Variants in OR9Q1 observed in about 807,000 individuals in gnomAD.
The protein encoded by OR9Q1 is olfactory receptor 9Q1.
For synonymous variants in OR9Q1, 153 were observed against 148.6 expected (o/e 1.03, Z -0.22); for missense variants, 374 against 378.8 (o/e 0.99, Z 0.11).
Position 58,179,651 on chromosome 11 carries a change from G to A in OR9Q1, c.207G>A (p.Met69Ile), listed in dbSNP as rs1439514892. ...MYFLLSHLAF[M>I]DVCYSSITVP... ...TCCTTCTGAGTCACCTCGCTTTCATGGACGTCTGCTACTCATCTATCACTG... is the reference window on the plus strand; with the variant it reads ...TCCTTCTGAGTCACCTCGCTTTCATAGACGTCTGCTACTCATCTATCACTG... Residue 69 changes from methionine to isoleucine, a missense_variant, in exon 3 of 3, where the codon ATG (methionine) becomes ATA (isoleucine). Met to Ile is a conservative substitution (Grantham distance 10). Coordinates refer to ENST00000335397, the MANE Select transcript of OR9Q1 (RefSeq NM_001005212.4). The A allele has an allele frequency of 6.2e-7, 1 of 1,613,294 alleles. No individual in the cohort carries two copies. The highest frequency in any genetic ancestry group is 8.5e-7 in the Non-Finnish European group (1 of 1,179,384).
intron 2 of OR9Q1, among the ~76,000 whole-genome samples, chr11:58,154,379 A>ATTTTTTTTTTTTTTTTTTTTT (rs3085835): frequency 7.1e-6 from 1 of 140,954 alleles, no homozygotes; most frequent in African/African-American, 2.6e-5. Context: ...AATGCAATGG[A>ATTTTTTTTTTTTTTTTTTTTT]TTTTTTTTTT....
rs948167940 is a variant in OR9Q1 at position 58,052,913 on chromosome 11, T to C, written c.-92-2957T>C. Among the ~76,000 whole-genome samples, 37 of 151,824 alleles carry C rather than the reference T, an allele frequency of 2.4e-4. No homozygotes were observed. In the East Asian group the frequency reaches 4.1e-3, roughly 17 times the overall value. On this transcript the variant is annotated intron_variant, in intron 1 of 2. Coordinates refer to ENST00000335397, the MANE Select transcript of OR9Q1 (RefSeq NM_001005212.4). ...ACCACAATGAGATACCATCTCACAC[T>C]AGTTAGAATGGCAATCATTAAAAAG...
intron 1 of OR9Q1, among the ~76,000 whole-genome samples, chr11:58,034,352 G>A (rs1034374717): frequency 2.0e-5 from 3 of 151,854 alleles, no homozygotes; most frequent in Non-Finnish European, 2.9e-5. Flanking sequence ...CTCCCAAAGT[G>A]CTGGGATTAC....
chr11:58,080,209 T>C (rs1292591835), intron 2 of OR9Q1, among the ~76,000 whole-genome samples: 2 of 152,142 alleles, frequency 1.3e-5, no homozygotes, highest in African/African-American at 4.8e-5. Flanking sequence ...GTGCTCAATG[T>C]TTAGCTCCCA....
intron 2 of OR9Q1, chr11:58,108,992 C>A: frequency 2.4e-6 from 1 of 411,512 alleles, no homozygotes; most frequent in Non-Finnish European, 5.0e-6. Flanking sequence ...CTCAAAATGG[C>A]TCTGATAATG....
chr11:58,079,961 G>A (rs1202335658), intron 2 of OR9Q1, among the ~76,000 whole-genome samples: 1 of 152,142 alleles, frequency 6.6e-6, no homozygotes, highest in South Asian at 2.1e-4. Flanking sequence ...TGTTTTTTAA[G>A]TTTTAAGTTA....
chr11:58,127,840 G>A (rs1854103826), intron 2 of OR9Q1, among the ~76,000 whole-genome samples: 1 of 152,228 alleles, frequency 6.6e-6, no homozygotes, highest in Admixed American at 6.5e-5. Flanking sequence ...GTCTAATGAA[G>A]TTTGGACTTT....
rs558094379 is a variant in OR9Q1, at chr11:58,054,519, G to T, written c.-92-1351G>T. On this transcript the variant is annotated intron_variant, in intron 1 of 2. Coordinates refer to ENST00000335397, the MANE Select transcript of OR9Q1 (RefSeq NM_001005212.4). The stretch of plus-strand genomic sequence containing the variant: ...TCAACTACAATATAAACATCTTGAG[G>T]CAAGCACACATTTTGTACATTTCTG... Among the ~76,000 whole-genome samples the T allele has an allele frequency of 1.4e-4, 21 of 152,204 alleles. No homozygotes were observed. In the South Asian group the frequency reaches 4.4e-3, roughly 32 times the overall value.
intron 2 of OR9Q1, among the ~76,000 whole-genome samples, chr11:58,159,963 A>C (rs1245545805): frequency 6.6e-6 from 1 of 152,234 alleles, no homozygotes; most frequent in Non-Finnish European, 1.5e-5. Flanking sequence ...TAGTTCAACC[A>C]GTAAAATGTT....
chr11:58,047,667 TTTCAGACCAGC>T, intron 1 of OR9Q1: 1 of 148,802 alleles, frequency 6.7e-6, no homozygotes, highest in Non-Finnish European at 1.5e-5. Flanking sequence ...GGGTCAGGAG[TTTCAGACCAGC>T]CTGGCCAACA....
intron 2 of OR9Q1, among the ~76,000 whole-genome samples, chr11:58,100,453 T>C (rs1215684139): frequency 2.0e-5 from 3 of 152,206 alleles, no homozygotes; most frequent in Non-Finnish European, 4.4e-5. Context: ...TTGTATGTGT[T>C]ATAAACTTTA....
chr11:58,174,043 G>A lies in OR9Q1; in HGVS notation c.-14-5388G>A, dbSNP rs76140175. Among the ~76,000 whole-genome samples, 73 of 152,252 alleles carry A rather than the reference G, an allele frequency of 4.8e-4. No individual in the cohort carries two copies. The East Asian group carries it at 0.012, about 25-fold the overall frequency. ...TATGTGATTTGAGAGGGTAGAATAAGAGTATTTATGGACAATAGGAATATT... is the reference window on the plus strand; with the variant it reads ...TATGTGATTTGAGAGGGTAGAATAAAAGTATTTATGGACAATAGGAATATT... On this transcript the variant is annotated intron_variant, in intron 2 of 2. Transcript: ENST00000335397.
At chr11:58,073,073 A>T (rs1273052798) in intron 2 of OR9Q1, 3 of 208,000 alleles carry the variant, frequency 1.4e-5, no homozygotes, top group Non-Finnish European at 3.2e-5. Context: ...TGCCTGTCTC[A>T]TATACATATG....
intron 2 of OR9Q1, among the ~76,000 whole-genome samples, chr11:58,067,035 CT>C (rs11301127): frequency 0.92 from 129,436 of 140,300 alleles, 60,352 homozygotes; most frequent in East Asian, 0.99. Context: ...GGCTTGAATT[CT>C]TTTTTTTTTT....
intron 1 of OR9Q1, among the ~76,000 whole-genome samples, chr11:58,039,570 T>C (rs1017864862): frequency 3.3e-5 from 5 of 152,344 alleles, no homozygotes; most frequent in Admixed American, 6.5e-5. Flanking sequence ...CCTCACACTC[T>C]CATGGAAGTG....
At chr11:58,178,315 C>A (rs1262617894) in intron 2 of OR9Q1, among the ~76,000 whole-genome samples, 2 of 152,266 alleles carry the variant, frequency 1.3e-5, no homozygotes, top group African/African-American at 4.8e-5. Context: ...CTGATTTGAT[C>A]TTTACAAATT....
intron 2 of OR9Q1, among the ~76,000 whole-genome samples, chr11:58,103,214 A>G (rs904030824): frequency 1.3e-5 from 2 of 152,130 alleles, no homozygotes; most frequent in Non-Finnish European, 2.9e-5. Context: ...GGCAGCAAGG[A>G]GAAGTGCAGA....
intron 1 of OR9Q1, among the ~76,000 whole-genome samples, chr11:58,028,768 A>C (rs185953386): frequency 1.3e-5 from 2 of 152,238 alleles, no homozygotes; most frequent in African/African-American, 4.8e-5. Context: ...TAGACTTCCC[A>C]CTGTGGGGAT....
intron 2 of OR9Q1, chr11:58,119,240 G>T: frequency 6.2e-7 from 1 of 1,613,968 alleles, no homozygotes; most frequent in Non-Finnish European, 8.5e-7. Flanking sequence ...CAGGCATCCA[G>T]CAGGGAGAGG....
Sources: allele counts gnomAD v4.1 joint callset (sites outside exome capture counted in the v4.1 genomes callset), GRCh38; gene constraint gnomAD v4.1.1; transcripts MANE v1.5; gene names NCBI Gene and HGNC (gene_info 2026-07-23, HGNC 2026-07-21).